Variants in FAM107B observed in about 807,000 individuals in gnomAD.
The protein encoded by FAM107B is protein FAM107B.
Under a neutral mutation model 31.5 loss-of-function variants are expected in FAM107B, and 21 were observed. The ratio of observed to expected loss-of-function variants is 0.67; its 90% CI spans 0.47 to 0.96. The LOEUF (loss-of-function observed/expected upper bound fraction) is 0.96, where lower values mean the gene tolerates loss of function less well. Ranked by LOEUF, FAM107B falls within the 40% of genes least tolerant of loss-of-function variation. The pLI is 0.00. For missense variants in FAM107B, 452 were observed against 377.1 expected (o/e 1.20, Z -1.64); for synonymous variants, 157 against 141.5 (o/e 1.11, Z -0.78).
At chr10:14,585,385 G>A (rs543825111) in intron 2 of FAM107B, among the ~76,000 whole-genome samples, 2 of 152,050 alleles carry the variant, frequency 1.3e-5, no homozygotes, top group Non-Finnish European at 2.9e-5. Context: ...CAACCAGGCT[G>A]ATGAGTAGAA....
At chr10:14,560,174 G>C (rs995019751) in intron 2 of FAM107B, among the ~76,000 whole-genome samples, 1 of 151,770 alleles carries the variant, frequency 6.6e-6, no homozygotes, top group Non-Finnish European at 1.5e-5. Context: ...AACACCAACA[G>C]TTTGTCCCAT....
At chr10:14,597,966 A>T (rs2131361482) in intron 2 of FAM107B, among the ~76,000 whole-genome samples, 1 of 150,916 alleles carries the variant, frequency 6.6e-6, no homozygotes, top group Middle Eastern at 3.4e-3. Flanking sequence ...ACAAAATAAT[A>T]AAAAAAAACT....
Position 14,521,127 on chromosome 10 carries a change from A to T in FAM107B, c.*63T>A, listed in dbSNP as rs1845586503. ...ATTCTCCAGGGGCTTTTGCCCTGAG[A>T]TTGAGAAGGCACCCACAGACAGCTC... On this transcript the variant is annotated 3_prime_UTR_variant, in exon 5 of 5. Coordinates refer to ENST00000181796, the MANE Select transcript of FAM107B (RefSeq NM_031453.4). 2.3e-6 allele frequency: 3 copies of T among 1,293,564 alleles called. No homozygotes were observed. 80.1% of individuals were successfully genotyped at this position (1,293,564 alleles called of 1,614,324 possible). A position where few individuals can be genotyped will look rare whatever the true frequency, so the allele number is the denominator to read the frequency against.
intron 1 of FAM107B, among the ~76,000 whole-genome samples, chr10:14,746,062 T>G (rs1036466216): frequency 6.6e-6 from 1 of 152,210 alleles, no homozygotes; most frequent in African/African-American, 2.4e-5. Flanking sequence ...TGCCTTTCTT[T>G]GTCTTTTTTG....
At chr10:14,649,556 C>A (rs1407163909) in intron 2 of FAM107B, among the ~76,000 whole-genome samples, 1 of 152,194 alleles carries the variant, frequency 6.6e-6, no homozygotes. Flanking sequence ...TCTATTGATT[C>A]CACATCTTTA....
intron 1 of FAM107B, among the ~76,000 whole-genome samples, chr10:14,684,753 C>T (rs1021018207): frequency 2.0e-5 from 3 of 152,224 alleles, no homozygotes; most frequent in African/African-American, 7.2e-5. Context: ...TCAGATCTAC[C>T]TAGTACCTCT....
At chr10:14,772,676 A>G (rs1192054776) in intron 1 of FAM107B, among the ~76,000 whole-genome samples, 1 of 151,938 alleles carries the variant, frequency 6.6e-6, no homozygotes, top group Non-Finnish European at 1.5e-5. Flanking sequence ...GATTGTTACA[A>G]TGTCCTCTCT....
At chr10:14,592,851 G>C (rs1417263371) in intron 2 of FAM107B, among the ~76,000 whole-genome samples, 1 of 152,206 alleles carries the variant, frequency 6.6e-6, no homozygotes, top group African/African-American at 2.4e-5. Context: ...GCTGAACAGA[G>C]TCCCTTGGCA....
intron 1 of FAM107B, among the ~76,000 whole-genome samples, chr10:14,770,597 A>G (rs1833279365): frequency 6.6e-6 from 1 of 152,196 alleles, no homozygotes; most frequent in African/African-American, 2.4e-5. Context: ...AATTCCATCA[A>G]TGATATGACA....
intron 1 of FAM107B, among the ~76,000 whole-genome samples, chr10:14,768,008 A>G (rs1207555623): frequency 1.3e-5 from 2 of 152,216 alleles, no homozygotes; most frequent in African/African-American, 4.8e-5. Flanking sequence ...TACAGTAACA[A>G]TGAACACTCT....
chr10:14,525,487 G>C (rs1460192985), intron 3 of FAM107B, among the ~76,000 whole-genome samples: 1 of 152,120 alleles, frequency 6.6e-6, no homozygotes, highest in Non-Finnish European at 1.5e-5. Context: ...ACGAATCGAG[G>C]AGCACCACTC....
intron 2 of FAM107B, among the ~76,000 whole-genome samples, chr10:14,583,339 G>A (rs1851714430): frequency 6.6e-6 from 1 of 152,074 alleles, no homozygotes; most frequent in African/African-American, 2.4e-5. Context: ...GCCCTCGCGG[G>A]GCAGAGTCGG....
intron 3 of FAM107B, 193 bp from the exon 4 acceptor site, chr10:14,522,212 CAA>C (rs1845725031): frequency 1.5e-6 from 1 of 675,304 alleles, no homozygotes; most frequent in African/African-American, 1.8e-5. Context: ...AGGAGATCTC[CAA>C]AGAGTACATA....
intron 2 of FAM107B, among the ~76,000 whole-genome samples, chr10:14,532,029 T>C (rs546932991): frequency 3.3e-5 from 5 of 152,352 alleles, no homozygotes; most frequent in East Asian, 3.9e-4. Context: ...TGTTGGTCAA[T>C]AGGCACCGGA....
chr10:14,668,929 T>C (rs2131475117), intron 1 of FAM107B, among the ~76,000 whole-genome samples: 1 of 152,354 alleles, frequency 6.6e-6, no homozygotes, highest in Non-Finnish European at 1.5e-5. Context: ...GGCTATTCTA[T>C]AACCAGAGTG....
intron 1 of FAM107B, among the ~76,000 whole-genome samples, chr10:14,769,245 A>G (rs779954108): frequency 6.6e-6 from 1 of 152,214 alleles, no homozygotes; most frequent in Non-Finnish European, 1.5e-5. Flanking sequence ...GTGAATCTTC[A>G]GGCCACTGCT....
Position 14,667,682 on chromosome 10 carries a change from A to C in FAM107B, c.421T>G (p.Phe141Val), listed in dbSNP as rs1854440843. ...TCGAGGCATTTAGGTTCTTCTCGAAATTCTTCTTCCTAAGCGCCAGCCCCA... is the reference window on the plus strand; with the variant it reads ...TCGAGGCATTTAGGTTCTTCTCGAACTTCTTCTTCCTAAGCGCCAGCCCCA... The part of the protein sequence containing the change: ...SIIDTPKEEE[F>V]REEPKCLELE... The change falls in exon 2 of 5, where the codon TTT (phenylalanine) becomes GTT (valine). Residue 141 changes from phenylalanine to valine, a missense_variant. Transcript: ENST00000181796. The C allele has an allele frequency of 6.2e-7, 1 of 1,614,038 alleles. No homozygotes were observed. Among genetic ancestry groups the C allele is most frequent in the African/African-American group, 1.3e-5 (1 of 74,922 alleles).
chr10:14,720,009 G>A (rs1034078067), intron 1 of FAM107B, among the ~76,000 whole-genome samples: 3 of 144,386 alleles, frequency 2.1e-5, no homozygotes, highest in Non-Finnish European at 4.7e-5. Context: ...TTGGGGGAAT[G>A]CCTTCCCCTA....
intron 2 of FAM107B, among the ~76,000 whole-genome samples, chr10:14,635,537 C>G (rs919763706): frequency 2.6e-5 from 4 of 152,206 alleles, no homozygotes; most frequent in African/African-American, 9.6e-5. Context: ...CCACGAAGTT[C>G]TGCTCTACTC....
Sources: allele counts gnomAD v4.1 joint callset (sites outside exome capture counted in the v4.1 genomes callset), GRCh38; gene constraint gnomAD v4.1.1; transcripts MANE v1.5; gene names NCBI Gene and HGNC (gene_info 2026-07-23, HGNC 2026-07-21).